The following B3GALT1 variants were observed in gnomAD, a reference collection of about 807,000 sequenced individuals.
B3GALT1 encodes beta-1,3-galactosyltransferase 1.
In B3GALT1, 10 loss-of-function variants were observed where a neutral mutation model predicts 23.2. That is an observed-to-expected ratio of 0.43 (90% CI 0.27 to 0.73). B3GALT1 has a LOEUF of 0.73. Ranked by LOEUF, B3GALT1 falls within the 30% of genes least tolerant of loss-of-function variation. The probability of loss-of-function intolerance (pLI) is 0.21; values close to 1 mark genes in which losing one functional copy is unlikely to be tolerated. For missense variants in B3GALT1, 299 were observed against 405.4 expected, an observed-to-expected ratio of 0.74 and a Z score of 2.25; for synonymous variants, 156 against 141.5, an observed-to-expected ratio of 1.10 and a Z score of -0.73.
At chr2:167,603,333 C>A (rs1243989222) in intron 2 of B3GALT1, among the ~76,000 whole-genome samples, 2 of 152,154 alleles carry the variant, frequency 1.3e-5, no homozygotes, top group Admixed American at 6.5e-5. Flanking sequence ...CCAACTCCAT[C>A]TTCTTTACTG....
intron 3 of B3GALT1, among the ~76,000 whole-genome samples, chr2:167,745,128 C>G (rs1359904783): frequency 6.6e-6 from 1 of 151,686 alleles, no homozygotes; most frequent in Non-Finnish European, 1.5e-5. Context: ...TTTCTATCAA[C>G]TGGTGTGGAA....
chr2:167,826,532 ACTGATTAGAAGACAC>A (rs1689233472), intron 4 of B3GALT1, among the ~76,000 whole-genome samples: 1 of 152,120 alleles, frequency 6.6e-6, no homozygotes, highest in Admixed American at 6.5e-5. Flanking sequence ...AAACTCAAGA[ACTGATTAGAAGACAC>A]CCTGTCAGGA....
intron 3 of B3GALT1, among the ~76,000 whole-genome samples, chr2:167,752,512 A>C (rs1687753973): frequency 6.7e-6 from 1 of 149,032 alleles, no homozygotes; most frequent in Non-Finnish European, 1.5e-5. Flanking sequence ...GAGGTACTCT[A>C]TTTGTTTTTT....
chr2:167,835,074 G>T (rs1050102984), intron 4 of B3GALT1, among the ~76,000 whole-genome samples: 2 of 152,172 alleles, frequency 1.3e-5, no homozygotes, highest in Non-Finnish European at 2.9e-5. Flanking sequence ...AATAGGAACA[G>T]CTCCGGTCTA....
At chr2:167,443,341 T>A (rs1286005138) in intron 1 of B3GALT1, among the ~76,000 whole-genome samples, 1 of 152,226 alleles carries the variant, frequency 6.6e-6, no homozygotes, top group Non-Finnish European at 1.5e-5. Context: ...TGGCTTAGGA[T>A]TGACTTGGCA....
At chr2:167,536,132 C>G (rs1683420383) in intron 2 of B3GALT1, among the ~76,000 whole-genome samples, 1 of 152,130 alleles carries the variant, frequency 6.6e-6, no homozygotes, top group Non-Finnish European at 1.5e-5. Flanking sequence ...GTGTCAAACT[C>G]CTGACATCAA....
In B3GALT1 at chr2:167,383,883, T is replaced by G. The variant is rs1232357109; in HGVS notation, c.-511+90549T>G. Among the ~76,000 whole-genome samples, 3 of 152,234 alleles carry G rather than the reference T, an allele frequency of 2.0e-5. No individual in the cohort carries two copies. In the East Asian group the frequency reaches 5.8e-4, roughly 29 times the overall value. On this transcript the variant is annotated intron_variant, in intron 1 of 4. Transcript: ENST00000392690. ...AGCTTCTTCCGCATTTCAAGTTTTA[T>G]GATTAACGTTTTATATTTTATGGCT...
chr2:167,533,911 A>G (rs1223069422), intron 2 of B3GALT1, among the ~76,000 whole-genome samples: 1 of 152,170 alleles, frequency 6.6e-6, no homozygotes, highest in Non-Finnish European at 1.5e-5. Context: ...CAGGTGTACT[A>G]TTCAAAGGTA....
chr2:167,536,060 C>T (rs1683414282), intron 2 of B3GALT1, among the ~76,000 whole-genome samples: 1 of 152,058 alleles, frequency 6.6e-6, no homozygotes, highest in South Asian at 2.1e-4. Flanking sequence ...AATAGCTCCA[C>T]CATGCCCAGC....
intron 2 of B3GALT1, among the ~76,000 whole-genome samples, chr2:167,518,638 G>C (rs1038865905): frequency 3.3e-5 from 5 of 152,100 alleles, no homozygotes; most frequent in Non-Finnish European, 7.4e-5. Context: ...CGAAAGATGG[G>C]CGTCTATTCA....
At chr2:167,427,397 A>G (rs1312091615) in intron 1 of B3GALT1, among the ~76,000 whole-genome samples, 1 of 152,228 alleles carries the variant, frequency 6.6e-6, no homozygotes, top group Non-Finnish European at 1.5e-5. Flanking sequence ...ATAAATGTTA[A>G]TATTTATAAA....
intron 3 of B3GALT1, among the ~76,000 whole-genome samples, chr2:167,667,220 G>C (rs1467703830): frequency 1.3e-5 from 2 of 151,978 alleles, no homozygotes; most frequent in African/African-American, 2.4e-5. Flanking sequence ...AGCTTAGTTT[G>C]GCTGGATGTG....
Position 167,377,301 on chromosome 2 carries a change from G to A in B3GALT1, c.-511+83967G>A, listed in dbSNP as rs544544176. The stretch of plus-strand genomic sequence containing the variant: ...TGTTCTGTGTGCAGATGAGAGGAAT[G>A]TATATTGTGGTTGATGGGTAGATTA... On this transcript the variant is annotated intron_variant, in intron 1 of 4. Coordinates refer to ENST00000392690, the MANE Select transcript of B3GALT1 (RefSeq NM_020981.4). Among the ~76,000 whole-genome samples the A allele has an allele frequency of 8.5e-5, 13 of 152,184 alleles. No individual in the cohort carries two copies. In the South Asian group the frequency reaches 1.2e-3, roughly 15 times the overall value.
At chr2:167,408,515 C>T (rs1188584315) in intron 1 of B3GALT1, among the ~76,000 whole-genome samples, 4 of 151,902 alleles carry the variant, frequency 2.6e-5, no homozygotes, top group African/African-American at 9.7e-5. Context: ...AACTGCTGGC[C>T]AGAGCAATTA....
At chr2:167,607,453 T>A (rs1684985063) in intron 2 of B3GALT1, among the ~76,000 whole-genome samples, 1 of 152,182 alleles carries the variant, frequency 6.6e-6, no homozygotes. Context: ...TGACGCCACC[T>A]TATTACTTAC....
intron 1 of B3GALT1, among the ~76,000 whole-genome samples, chr2:167,362,698 C>G (rs1397914350): frequency 6.6e-6 from 1 of 151,090 alleles, no homozygotes; most frequent in East Asian, 1.9e-4. Flanking sequence ...AATTTTTTTC[C>G]TCTTGTCTCC....
chr2:167,665,797 A>T (rs1686167725), intron 3 of B3GALT1, among the ~76,000 whole-genome samples: 1 of 152,038 alleles, frequency 6.6e-6, no homozygotes, highest in Non-Finnish European at 1.5e-5. Flanking sequence ...TTTCCGTGGG[A>T]TCGGTGGTGA....
At chr2:167,384,459 T>G (rs765002604) in intron 1 of B3GALT1, among the ~76,000 whole-genome samples, 1 of 152,164 alleles carries the variant, frequency 6.6e-6, no homozygotes, top group Non-Finnish European at 1.5e-5. Flanking sequence ...TAAACTCTTA[T>G]TTTTGAAACC....
chr2:167,349,647 A>G (rs1408579218), intron 1 of B3GALT1, among the ~76,000 whole-genome samples: 1 of 152,188 alleles, frequency 6.6e-6, no homozygotes, highest in Non-Finnish European at 1.5e-5. Flanking sequence ...ACAGTGCATG[A>G]TAAGTATGTA....
Sources: gnomAD v4.1 joint callset for allele counts (sites outside exome capture counted in the v4.1 genomes callset) on GRCh38, gnomAD v4.1.1 for gene constraint, MANE v1.5 for transcripts, NCBI Gene and HGNC (gene_info 2026-07-23, HGNC 2026-07-21) for gene names.